ADD2: variants seen among roughly 807,000 people sequenced by gnomAD.
ADD2 encodes beta-adducin.
ADD2 carries 23 observed loss-of-function variants against 83.0 expected under a neutral mutation model. That is an observed-to-expected ratio of 0.28 (90% CI 0.20 to 0.39). ADD2 has a LOEUF of 0.39. Ranked by LOEUF, ADD2 falls within the 10% of genes least tolerant of loss-of-function variation. The pLI, the probability that ADD2 is intolerant of heterozygous loss-of-function variation, is 1.00. For synonymous variants in ADD2, 375 were observed against 375.4 expected, an observed-to-expected ratio of 1.00 and a Z score of 0.01; for missense variants, 758 against 944.9, an observed-to-expected ratio of 0.80 and a Z score of 2.59.
At chr2:70,740,305 T>G (rs1673817452) in intron 1 of ADD2, among the ~76,000 whole-genome samples, 4 of 152,176 alleles carry the variant, frequency 2.6e-5, no homozygotes, top group Admixed American at 2.6e-4. Context: ...ATAATAATAA[T>G]GGATTACTTT....
intron 1 of ADD2, among the ~76,000 whole-genome samples, chr2:70,735,858 CTTTTTT>C (rs374727628): frequency 1.2e-4 from 9 of 72,514 alleles, no homozygotes; most frequent in African/African-American, 6.2e-4. Flanking sequence ...CCATGCCCGG[CTTTTTT>C]TTTTTTTTTT....
At chr2:70,750,978 C>T (rs141643552) in intron 1 of ADD2, among the ~76,000 whole-genome samples, 2 of 152,250 alleles carry the variant, frequency 1.3e-5, no homozygotes, top group East Asian at 1.9e-4. Flanking sequence ...CTTCCTGTCA[C>T]GTTTCCTTGA....
intron 1 of ADD2, among the ~76,000 whole-genome samples, chr2:70,748,291 A>T (rs370760205): frequency 0.016 from 9 of 560 alleles, no homozygotes; most frequent in Admixed American, 0.14. Flanking sequence ...AAACACTGAT[A>T]AAAAAAAAAA....
Position 70,676,491 on chromosome 2 carries a change from T to G in ADD2, c.1593+305A>C. ...GCCTATGAGTCCCCACTTCACGGGG[T>G]AGTAAGGGAGGACAGAGTGGAGTTC... On this transcript the variant is annotated intron_variant, in intron 13 of 15. Transcript: ENST00000264436. The surrounding 1 kb of genome is among the most constrained non-coding windows in gnomAD (Gnocchi z 4.8). 5 of 1,321,838 alleles carry G rather than the reference T, an allele frequency of 3.8e-6. No individual in the cohort carries two copies. Among genetic ancestry groups the G allele is most frequent in the South Asian group, 2.3e-5 (1 of 42,848 alleles). The allele number at this position is 1,321,838 out of a possible 1,614,324, so 81.9% of individuals were successfully genotyped here. A position where few individuals can be genotyped will look rare whatever the true frequency, so the allele number is the denominator to read the frequency against.
At chr2:70,685,473 T>C (rs906592519) in intron 9 of ADD2, among the ~76,000 whole-genome samples, 50 of 152,082 alleles carry the variant, frequency 3.3e-4, no homozygotes, top group Admixed American at 2.0e-3. Context: ...ACAGTCCTGG[T>C]GAGGCAGCGC....
chr2:70,704,567 G>T, intron 3 of ADD2, 108 bp from the exon 4 acceptor site: 1 of 1,390,784 alleles, frequency 7.2e-7, no homozygotes, highest in African/African-American at 1.4e-5. Context: ...CTAGGTCAGG[G>T]CCATGCTCAG....
At chr2:70,735,524 C>T (rs913369354) in intron 1 of ADD2, among the ~76,000 whole-genome samples, 3 of 151,994 alleles carry the variant, frequency 2.0e-5, no homozygotes, top group Admixed American at 6.6e-5. Flanking sequence ...CCTCAAACCT[C>T]GACCTCCACA....
intron 1 of ADD2, among the ~76,000 whole-genome samples, chr2:70,722,648 A>G (rs781988730): frequency 2.6e-5 from 4 of 152,240 alleles, no homozygotes; most frequent in Non-Finnish European, 5.9e-5. Flanking sequence ...GAGAGCTACA[A>G]CAAGGCAGAC....
At chr2:70,718,445 T>G (rs987531116) in intron 1 of ADD2, among the ~76,000 whole-genome samples, 3 of 152,166 alleles carry the variant, frequency 2.0e-5, no homozygotes, top group Admixed American at 1.3e-4. Context: ...TGCACATATA[T>G]GCAGATATGT....
intron 1 of ADD2, among the ~76,000 whole-genome samples, chr2:70,721,184 A>T (rs1672711290): frequency 6.6e-6 from 1 of 152,158 alleles, no homozygotes; most frequent in Non-Finnish European, 1.5e-5. Flanking sequence ...CTTCTCACTG[A>T]TTCTGTTGTT....
At chr2:70,667,276 G>A (rs529334596) in intron 15 of ADD2, among the ~76,000 whole-genome samples, 11 of 152,114 alleles carry the variant, frequency 7.2e-5, no homozygotes, top group Non-Finnish European at 1.3e-4. Context: ...TGGAAAGCTG[G>A]GGGAGAGACA....
At chr2:70,751,192 C>A (rs1674489528) in intron 1 of ADD2, among the ~76,000 whole-genome samples, 1 of 152,128 alleles carries the variant, frequency 6.6e-6, no homozygotes, top group African/African-American at 2.4e-5. Flanking sequence ...TCTGTTTGAT[C>A]CCTTCCACTT....
At chr2:70,671,420 T>G (rs1014021941) in intron 15 of ADD2, among the ~76,000 whole-genome samples, 30 of 152,034 alleles carry the variant, frequency 2.0e-4, no homozygotes, top group African/African-American at 4.8e-5. Context: ...TGGCCATGAA[T>G]TTTACAGCCA....
chr2:70,752,010 A>T (rs1357164026), intron 1 of ADD2, among the ~76,000 whole-genome samples: 2 of 152,218 alleles, frequency 1.3e-5, no homozygotes, highest in East Asian at 3.8e-4. Flanking sequence ...TAATTATCAA[A>T]CATAAACATT....
intron 1 of ADD2, among the ~76,000 whole-genome samples, chr2:70,742,940 A>G (rs1673999108): frequency 6.6e-6 from 1 of 152,110 alleles, no homozygotes; most frequent in South Asian, 2.1e-4. Flanking sequence ...AAAAATATAC[A>G]CTCTCTTTGA....
chr2:70,665,433 C>T (rs1553365979), intron 15 of ADD2, among the ~76,000 whole-genome samples: 2 of 152,190 alleles, frequency 1.3e-5, no homozygotes, highest in Non-Finnish European at 2.9e-5. Context: ...TCCTGTCATC[C>T]TCATCCAGTG....
At position 70,686,679 on chromosome 2, in the gene ADD2, G is replaced by C. The variant is rs549043590; in HGVS notation, c.948+1345C>G. On this transcript the variant is annotated intron_variant, in intron 9 of 15. Coordinates refer to ENST00000264436, the MANE Select transcript of ADD2 (RefSeq NM_001617.4). Reference sequence around the variant, plus strand: ...GGGAGAGTAGCTTCCCGGTATCCCAGAGGCTCCACCAGATTCTTCCACCAG... The same window carrying C: ...GGGAGAGTAGCTTCCCGGTATCCCACAGGCTCCACCAGATTCTTCCACCAG... Among the ~76,000 whole-genome samples, 10 of 152,282 alleles carry C rather than the reference G, an allele frequency of 6.6e-5. No homozygotes were observed. In the East Asian group the frequency reaches 1.9e-3, roughly 29 times the overall value.
At chr2:70,760,466 G>A (rs1254242155) in intron 1 of ADD2, 1 of 152,172 alleles carries the variant, frequency 6.6e-6, no homozygotes, top group Non-Finnish European at 1.5e-5. Context: ...TAGTCACCAT[G>A]GAGATGTTAT....
chr2:70,734,828 C>G (rs1673446844), intron 1 of ADD2, among the ~76,000 whole-genome samples: 1 of 152,170 alleles, frequency 6.6e-6, no homozygotes, highest in African/African-American at 2.4e-5. Flanking sequence ...TTGCATTGCA[C>G]CTATTTGAGT....
Sources: allele counts gnomAD v4.1 joint callset (sites outside exome capture counted in the v4.1 genomes callset), GRCh38; gene constraint gnomAD v4.1.1; non-coding constraint Gnocchi (gnomAD v3.1); transcripts MANE v1.5; gene names NCBI Gene and HGNC (gene_info 2026-07-23, HGNC 2026-07-21).